TMEM256: variants seen among roughly 807,000 people sequenced by gnomAD.
TMEM256 encodes transmembrane protein 256.
A neutral mutation model predicts 14.8 loss-of-function variants in TMEM256; 14 were observed. The observed-to-expected ratio is 0.95, with a 90% CI of 0.63 to 1.48. The LOEUF is 1.48. TMEM256 is among the 40% of genes most tolerant of loss of function. The probability of loss-of-function intolerance (pLI) is 0.00; values close to 1 mark genes in which losing one functional copy is unlikely to be tolerated. For synonymous variants in TMEM256, 68 were observed against 60.7 expected, an observed-to-expected ratio of 1.12 and a Z score of -0.56; for missense variants, 146 against 137.9, an observed-to-expected ratio of 1.06 and a Z score of -0.30.
rs776971565 is a variant in TMEM256 at position 7,404,061 on chromosome 17, G to A, written c.24C>T (p.Phe8=). The A allele has an allele frequency of 9.4e-6, 15 of 1,598,538 alleles. No individual in the cohort carries two copies. The highest frequency in any genetic ancestry group is 3.5e-5 in the Admixed American group (2 of 57,906). The change falls in exon 1 of 4, where the codon TTC becomes TTT. Residue 8 remains phenylalanine, a synonymous_variant. Transcript: ENST00000302422. ...CTCCGGACAAGGCGCCCAAGCGGCGGAAAGCTGCAGCTGGCCCGGCCATAG... is the reference window on the plus strand; with the variant it reads ...CTCCGGACAAGGCGCCCAAGCGGCGAAAAGCTGCAGCTGGCCCGGCCATAG... MAGPAAA[F]RRLGALSGAA...
chr17:7,403,250 A>T (rs2150806186), intron 3 of TMEM256, 41 bp from the exon 4 acceptor site: 2 of 1,614,192 alleles, frequency 1.2e-6, no homozygotes, highest in South Asian at 1.1e-5. Flanking sequence ...TGTTAAGAAC[A>T]GGGCAGGCTG....
intron 1 of TMEM256, 52 bp downstream of exon 1, chr17:7,403,948 A>G: frequency 6.7e-7 from 1 of 1,496,980 alleles, no homozygotes; most frequent in South Asian, 1.3e-5. Context: ...CTTGCAGCAG[A>G]CCCCAGAGGA....
chr17:7,403,766 A>G, intron 1 of TMEM256, 77 bp from the exon 2 acceptor site: 1 of 1,534,610 alleles, frequency 6.5e-7, no homozygotes, highest in South Asian at 1.2e-5. Context: ...ACCCAGGTGG[A>G]CATTGGCGAG....
chr17:7,403,011 C>T lies in TMEM256; in HGVS notation c.*55G>A. The T allele has an allele frequency of 6.4e-7, 1 of 1,557,714 alleles. No homozygotes were observed. Among genetic ancestry groups the T allele is most frequent in the African/African-American group, 1.4e-5 (1 of 71,798 alleles). ...TTCCTTTTTAATCCTCTTCTTACTC[C>T]AACTCTTTAAAAAAAAAACTGCCCA... On this transcript the variant is annotated 3_prime_UTR_variant, in exon 4 of 4. Transcript: ENST00000302422.
At position 7,403,359 on chromosome 17, in the gene TMEM256, A is replaced by C. The variant is rs770394889; in HGVS notation, c.149T>G (p.Leu50Ter). Residue 50 changes from leucine (L) to a stop codon, truncating the protein, a stop_gained, in exon 3 of 4, where the codon TTA (leucine) becomes TGA (stop). Coordinates refer to ENST00000302422, the MANE Select transcript of TMEM256 (RefSeq NM_152766.5). LOFTEE classifies it high-confidence loss of function. ...LFDKANKHHF[L>*]HSLALLGVPH... The stretch of plus-strand genomic sequence containing the variant: ...CACCCCTAACAGGGCCAGGCTGTGT[A>C]AGAAGTGGTGTTTGTTGGCCTTGTC... The C allele has an allele frequency of 6.2e-6, 10 of 1,614,098 alleles. No individual in the cohort carries two copies. The highest frequency in any genetic ancestry group is 8.5e-6 in the Non-Finnish European group (10 of 1,180,040).
intron 2 of TMEM256, 47 bp from the exon 3 acceptor site, chr17:7,403,437 C>G: frequency 6.4e-7 from 1 of 1,573,544 alleles, no homozygotes. Flanking sequence ...AATACAGGTA[C>G]TGAGATCCCC....
At position 7,403,074 on chromosome 17, in the gene TMEM256, C is replaced by G. The variant is rs1434600491; in HGVS notation, c.334G>C (p.Ala112Pro). The change falls in exon 4 of 4, where the codon GCT becomes CCT. Residue 112 changes from alanine to proline, a missense_variant. Physicochemically the swap from Ala to Pro is conservative, Grantham distance 27. Coordinates refer to ENST00000302422, the MANE Select transcript of TMEM256 (RefSeq NM_152766.5). Reference sequence around the variant, plus strand: ...ATTAAGCAAAAGGGAGCTCAAAGAGCCAAGGCAAGCCAGCCCAAGAGTAGC... The same window carrying G: ...ATTAAGCAAAAGGGAGCTCAAAGAGGCAAGGCAAGCCAGCCCAAGAGTAGC... Reference protein sequence around the residue: ...TLLLLGWLALAL With the variant: ...TLLLLGWLALPL The G allele has an allele frequency of 6.2e-7, 1 of 1,606,244 alleles. No homozygotes were observed. The highest frequency in any genetic ancestry group is 8.5e-7 in the Non-Finnish European group (1 of 1,177,626).
chr17:7,403,426 C>T, intron 2 of TMEM256, 36 bp from the exon 3 acceptor site: 1 of 1,596,676 alleles, frequency 6.3e-7, no homozygotes, highest in Non-Finnish European at 8.6e-7. Context: ...ATGTCGTAGG[C>T]AATACAGGTA....
At position 7,403,784 on chromosome 17, in the gene TMEM256, A is replaced by ACCCCCCCCCCCCCCCCC. The variant is rs56134360; in HGVS notation, c.86-96_86-95insGGGGGGGGGGGGGGGGG. 2.4e-5 allele frequency: 25 copies of ACCCCCCCCCCCCCCCCC among 1,030,798 alleles called. 1 individual carries two copies. Among genetic ancestry groups the ACCCCCCCCCCCCCCCCC allele is most frequent in the African/African-American group, 1.1e-4 (5 of 43,618 alleles). 63.9% of individuals were successfully genotyped at this position (1,030,798 alleles called of 1,614,324 possible). On this transcript the variant is annotated intron_variant, in intron 1 of 3. Coordinates refer to ENST00000302422, the MANE Select transcript of TMEM256 (RefSeq NM_152766.5). Reference sequence around the variant, plus strand: ...CAGGTGGACATTGGCGAGAAAGGGCACCCCCCCCCCCGCCCCAGGAAGCTT... The same window carrying ACCCCCCCCCCCCCCCCC: ...CAGGTGGACATTGGCGAGAAAGGGCACCCCCCCCCCCCCCCCCCCCCCCCCCCCGCCCCAGGAAGCTT...
intron 2 of TMEM256, 40 bp from the exon 3 acceptor site, chr17:7,403,430 A>G (rs1567656424): frequency 5.7e-6 from 9 of 1,591,650 alleles, no homozygotes; most frequent in Non-Finnish European, 7.8e-6. Flanking sequence ...CGTAGGCAAT[A>G]CAGGTACTGA....
In TMEM256 at chr17:7,403,352, G is replaced by A; in HGVS notation, c.156C>T (p.Ser52=). 1.9e-6 allele frequency: 3 copies of A among 1,614,212 alleles called. No homozygotes were observed. Among genetic ancestry groups the A allele is most frequent in the African/African-American group, 1.3e-5 (1 of 75,048 alleles). The change falls in exon 3 of 4, where the codon AGC becomes AGT. Residue 52 remains serine, a synonymous_variant. Transcript: ENST00000302422. ...AATGGGGCACCCCTAACAGGGCCAGGCTGTGTAAGAAGTGGTGTTTGTTGG... is the reference window on the plus strand; with the variant it reads ...AATGGGGCACCCCTAACAGGGCCAGACTGTGTAAGAAGTGGTGTTTGTTGG... ...DKANKHHFLH[S]LALLGVPHCR...
chr17:7,404,053 A>G lies in TMEM256; in HGVS notation c.32T>C (p.Leu11Ser). 6.2e-7 allele frequency: 1 copy of G among 1,600,020 alleles called. No homozygotes were observed. Among genetic ancestry groups the G allele is most frequent in the Non-Finnish European group, 8.5e-7 (1 of 1,173,366 alleles). Residue 11 changes from leucine (L) to serine (S), a missense_variant, in exon 1 of 4, where the codon TTG becomes TCG. Coordinates refer to ENST00000302422, the MANE Select transcript of TMEM256 (RefSeq NM_152766.5). ...GGCCGCAGCTCCGGACAAGGCGCCCAAGCGGCGGAAAGCTGCAGCTGGCCC... is the reference window on the plus strand; with the variant it reads ...GGCCGCAGCTCCGGACAAGGCGCCCGAGCGGCGGAAAGCTGCAGCTGGCCC... The part of the protein sequence containing the change: MAGPAAAFRR[L>S]GALSGAAALG...
chr17:7,403,047 T>G lies in TMEM256; in HGVS notation c.*19A>C. Reference sequence around the variant, plus strand: ...AAAAAAAACTGCCCAGAAAACCCAGTAATTAAGCAAAAGGGAGCTCAAAGA... The same window carrying G: ...AAAAAAAACTGCCCAGAAAACCCAGGAATTAAGCAAAAGGGAGCTCAAAGA... On this transcript the variant is annotated 3_prime_UTR_variant, in exon 4 of 4. Transcript: ENST00000302422. 1 of 1,574,176 alleles carries G rather than the reference T, an allele frequency of 6.4e-7. No individual in the cohort carries two copies.
chr17:7,403,351 G>A lies in TMEM256; in HGVS notation c.157C>T (p.Leu53=). 1 of 1,614,230 alleles carries A rather than the reference G, an allele frequency of 6.2e-7. No homozygotes were observed. The highest frequency in any genetic ancestry group is 8.5e-7 in the Non-Finnish European group (1 of 1,180,040). ...CAATGGGGCACCCCTAACAGGGCCA[G>A]GCTGTGTAAGAAGTGGTGTTTGTTG... The part of the protein sequence containing the change: ...KANKHHFLHS[L]ALLGVPHCRK... The change falls in exon 3 of 4, where the codon CTG becomes TTG. Residue 53 remains leucine, a synonymous_variant. Coordinates refer to ENST00000302422, the MANE Select transcript of TMEM256 (RefSeq NM_152766.5).
rs760566545 is a variant in TMEM256 at position 7,403,353 on chromosome 17, CTGTG to C, written c.151_154del (p.His51AlafsTer5). Reference sequence around the variant, plus strand: ...ATGGGGCACCCCTAACAGGGCCAGGCTGTGTAAGAAGTGGTGTTTGTTGGCCTTG... The same window carrying C: ...ATGGGGCACCCCTAACAGGGCCAGGCTAAGAAGTGGTGTTTGTTGGCCTTG... On this transcript the variant is annotated frameshift_variant, in exon 3 of 4. Coordinates refer to ENST00000302422, the MANE Select transcript of TMEM256 (RefSeq NM_152766.5). LOFTEE classifies it high-confidence loss of function. 1.9e-5 allele frequency: 30 copies of C among 1,614,176 alleles called. No homozygotes were observed. Among genetic ancestry groups the C allele is most frequent in the Non-Finnish European group, 2.4e-5 (28 of 1,180,034 alleles).
chr17:7,404,025 T>A lies in TMEM256; in HGVS notation c.60A>T (p.Leu20Phe), dbSNP rs1313873223. The A allele has an allele frequency of 3.7e-6, 6 of 1,602,006 alleles. No homozygotes were observed. Among genetic ancestry groups the A allele is most frequent in the Non-Finnish European group, 4.3e-6 (5 of 1,174,346 alleles). The change falls in exon 1 of 4, where the codon TTA becomes TTT. Residue 20 changes from leucine to phenylalanine, a missense_variant. Coordinates refer to ENST00000302422, the MANE Select transcript of TMEM256 (RefSeq NM_152766.5). ...RLGALSGAAA[L>F]GFASYGAHGA... Reference sequence around the variant, plus strand: ...CGTGCGCCCCGTAGGAAGCGAAGCCTAAGGCCGCAGCTCCGGACAAGGCGC... The same window carrying A: ...CGTGCGCCCCGTAGGAAGCGAAGCCAAAGGCCGCAGCTCCGGACAAGGCGC...
In TMEM256 at chr17:7,404,077, C is replaced by T. The variant is rs767052290; in HGVS notation, c.8G>A (p.Gly3Glu). The change falls in exon 1 of 4, where the codon GGG (glycine) becomes GAG (glutamate). Residue 3 changes from glycine to glutamate, a missense_variant. Gly to Glu is a moderately conservative substitution (Grantham distance 98). Coordinates refer to ENST00000302422, the MANE Select transcript of TMEM256 (RefSeq NM_152766.5). Reference sequence around the variant, plus strand: ...CAAGCGGCGGAAAGCTGCAGCTGGCCCGGCCATAGCTGTAGAACAGGACGC... The same window carrying T: ...CAAGCGGCGGAAAGCTGCAGCTGGCTCGGCCATAGCTGTAGAACAGGACGC... MA[G>E]PAAAFRRLGA... The T allele has an allele frequency of 1.3e-6, 2 of 1,589,120 alleles. No homozygotes were observed. The highest frequency in any genetic ancestry group is 2.3e-5 in the South Asian group (2 of 87,538).
Position 7,403,671 on chromosome 17 carries a change from G to C in TMEM256, c.104C>G (p.Ala35Gly), listed in dbSNP as rs745396985. Residue 35 changes from alanine (A) to glycine (G), a missense_variant, in exon 2 of 4, where the codon GCC becomes GGC. Ala to Gly is a moderately conservative substitution (Grantham distance 60). Coordinates refer to ENST00000302422, the MANE Select transcript of TMEM256 (RefSeq NM_152766.5). ...CAGTTACTTCACCTCCTTCCCGTAG[G>C]CATCTGGGAATTGGGCGCCTGTGGA... ...YGAHGAQFPD[A>G]YGKELFDKAN... 2 of 1,613,876 alleles carry C rather than the reference G, an allele frequency of 1.2e-6. No individual in the cohort carries two copies. The highest frequency in any genetic ancestry group is 1.3e-5 in the African/African-American group (1 of 74,916).
chr17:7,403,393 G>T lies in TMEM256; in HGVS notation c.118-3C>A. The T allele has an allele frequency of 6.2e-7, 1 of 1,614,038 alleles. No homozygotes were observed. Among genetic ancestry groups the T allele is most frequent in the Non-Finnish European group, 8.5e-7 (1 of 1,179,888 alleles). ...TGTTTGTTGGCCTTGTCAAACAGCT[G>T]TAAGAAAAACAGAAACGAAGGGATG... On this transcript the variant is annotated splice_region_variant and splice_polypyrimidine_tract_variant and intron_variant, in intron 2 of 3. Coordinates refer to ENST00000302422, the MANE Select transcript of TMEM256 (RefSeq NM_152766.5).
Sources: allele counts gnomAD v4.1 joint callset, GRCh38; gene constraint gnomAD v4.1.1; transcripts MANE v1.5; gene names NCBI Gene and HGNC (gene_info 2026-07-23, HGNC 2026-07-21).